Variants in STOML3 observed in about 807,000 individuals in gnomAD.
STOML3 encodes the protein stomatin like 3.
In STOML3, 31 loss-of-function variants were observed where a neutral mutation model predicts 29.5. The ratio of observed to expected loss-of-function variants is 1.05; its 90% CI spans 0.79 to 1.42. The LOEUF (loss-of-function observed/expected upper bound fraction) is 1.42. STOML3 is among the 40% of genes most tolerant of loss of function. The probability of loss-of-function intolerance (pLI) is 0.00; values close to 1 mark genes in which losing one functional copy is unlikely to be tolerated. For synonymous variants in STOML3, 122 were observed against 139.8 expected (o/e 0.87, Z 0.90); for missense variants, 380 against 363.0 (o/e 1.05, Z -0.38).
At position 38,976,739 on chromosome 13, in the gene STOML3, C is replaced by T; in HGVS notation, c.111G>A (p.Leu37=). 2 of 1,614,000 alleles carry T rather than the reference C, an allele frequency of 1.2e-6. No individual in the cohort carries two copies. Among genetic ancestry groups the T allele is most frequent in the African/African-American group, 1.3e-5 (1 of 75,014 alleles). Residue 37 remains leucine, a synonymous_variant, in exon 2 of 7, where the codon CTG becomes CTA. Transcript: ENST00000379631. ...AGATGGGGAAGGTAATGATCACCAA[C>T]AGGAAAGAGAGGGAAAACAGGATCC... ...CGWILFSLSF[L]LVIITFPISI...
At chr13:38,980,132 C>T (rs1320654394) in intron 1 of STOML3, 13 of 1,551,224 alleles carry the variant, frequency 8.4e-6, no homozygotes, top group East Asian at 7.3e-5. Flanking sequence ...AGGTAATAGA[C>T]GTGCTGAGAG....
chr13:38,974,311 G>T (rs1029691847), intron 3 of STOML3, among the ~76,000 whole-genome samples: 1 of 151,952 alleles, frequency 6.6e-6, no homozygotes, highest in African/African-American at 2.4e-5. Flanking sequence ...CGTGTAAAGG[G>T]GTGGCAGTAT....
At chr13:38,973,835 T>C (rs2138011523) in intron 3 of STOML3, among the ~76,000 whole-genome samples, 1 of 152,354 alleles carries the variant, frequency 6.6e-6, no homozygotes. Context: ...ATAATAAAGA[T>C]ACTTATGTAA....
At chr13:38,984,678 G>T (rs1299502966) in intron 1 of STOML3, among the ~76,000 whole-genome samples, 3 of 152,104 alleles carry the variant, frequency 2.0e-5, no homozygotes, top group African/African-American at 7.2e-5. Flanking sequence ...GTTTCTGTAG[G>T]TACACTCTAT....
chr13:38,978,153 CTTTTATTTTTAT>C, intron 1 of STOML3, among the ~76,000 whole-genome samples: 1 of 149,162 alleles, frequency 6.7e-6, no homozygotes, highest in African/African-American at 2.5e-5. Context: ...ATTATTTTTA[CTTTTATTTTTAT>C]TTTTTTGAGA....
intron 1 of STOML3, among the ~76,000 whole-genome samples, chr13:38,990,047 T>C (rs1335266316): frequency 1.3e-5 from 2 of 152,146 alleles, no homozygotes; most frequent in South Asian, 4.1e-4. Flanking sequence ...CTCAGAATTA[T>C]TGTAAAATTG....
intron 5 of STOML3, among the ~76,000 whole-genome samples, chr13:38,969,511 T>A (rs543895087): frequency 6.6e-6 from 1 of 152,330 alleles, no homozygotes; most frequent in African/African-American, 2.4e-5. Flanking sequence ...GCTTGGGACC[T>A]TTCCTCTACT....
At chr13:38,986,259 T>C (rs984520178) in intron 1 of STOML3, among the ~76,000 whole-genome samples, 1 of 152,004 alleles carries the variant, frequency 6.6e-6, no homozygotes, top group African/African-American at 2.4e-5. Flanking sequence ...GGTCTCAAAC[T>C]CCTGACCTCA....
At chr13:38,985,922 T>TTTC (rs1868508705) in intron 1 of STOML3, among the ~76,000 whole-genome samples, 1 of 144,392 alleles carries the variant, frequency 6.9e-6, no homozygotes, top group African/African-American at 2.5e-5. Flanking sequence ...TTTTTTTTTT[T>TTTC]TTTTTTTTTT....
chr13:38,989,060 T>A (rs1020337832), intron 1 of STOML3, among the ~76,000 whole-genome samples: 2 of 148,290 alleles, frequency 1.3e-5, no homozygotes, highest in South Asian at 4.2e-4. Context: ...TTATATATAT[T>A]TTTTATATAT....
At position 38,968,426 on chromosome 13, in the gene STOML3, C is replaced by T. The variant is rs778811619; in HGVS notation, c.625G>A (p.Glu209Lys). The T allele has an allele frequency of 1.2e-6, 2 of 1,614,170 alleles. No homozygotes were observed. Among genetic ancestry groups the T allele is most frequent in the Admixed American group, 3.3e-5 (2 of 60,026 alleles). The change falls in exon 6 of 7, where the codon GAG (glutamate) becomes AAG (lysine). Residue 209 changes from glutamate (E) to lysine (K), a missense_variant. Physicochemically the swap from Glu to Lys is moderately conservative, Grantham distance 56. Transcript: ENST00000379631. Reference protein sequence around the residue: ...QLQRSMAAEAEATREARAKVL... With the variant: ...QLQRSMAAEAKATREARAKVL... Reference sequence around the variant, plus strand: ...TTGGCTCTCGCTTCCCGGGTGGCCTCAGCCTCGGCTGCCATGGATCTCTGC... The same window carrying T: ...TTGGCTCTCGCTTCCCGGGTGGCCTTAGCCTCGGCTGCCATGGATCTCTGC...
chr13:38,988,563 A>C (rs1201838983), intron 1 of STOML3, among the ~76,000 whole-genome samples: 4 of 117,840 alleles, frequency 3.4e-5, no homozygotes, highest in African/African-American at 1.0e-4. Flanking sequence ...TTTTATATAT[A>C]ATATATTTTA....
chr13:38,975,919 C>G (rs1881058151), intron 3 of STOML3, among the ~76,000 whole-genome samples: 2 of 152,038 alleles, frequency 1.3e-5, no homozygotes, highest in South Asian at 4.1e-4. Flanking sequence ...CTATACTATA[C>G]TAGATGTTAG....
intron 1 of STOML3, chr13:38,980,044 G>A (rs904095676): frequency 5.2e-6 from 8 of 1,551,308 alleles, no homozygotes; most frequent in African/African-American, 4.1e-5. Context: ...AGAGAAAATC[G>A]CACTGACCTA....
chr13:38,985,907 C>A (rs375496178), intron 1 of STOML3, among the ~76,000 whole-genome samples: 6 of 23,680 alleles, frequency 2.5e-4, no homozygotes, highest in East Asian at 1.5e-3. Flanking sequence ...TTTTTCTTTT[C>A]TTTCTTTTTT....
chr13:38,985,036 C>G lies in STOML3; in HGVS notation c.52+5634G>C, dbSNP rs541501153. Among the ~76,000 whole-genome samples, 46 of 152,272 alleles carry G rather than the reference C, an allele frequency of 3.0e-4. 2 individuals are homozygous for G. In the South Asian group the frequency reaches 9.5e-3, roughly 32 times the overall value. On this transcript the variant is annotated intron_variant, in intron 1 of 6. Transcript: ENST00000379631. ...GGTTCATCAGACAAGATTCTATTTT[C>G]TCTCAAAAAAGTCAATTAACCAAAG...
At chr13:38,982,905 G>C (rs976144072) in intron 1 of STOML3, among the ~76,000 whole-genome samples, 1 of 151,928 alleles carries the variant, frequency 6.6e-6, no homozygotes, top group Non-Finnish European at 1.5e-5. Context: ...ATTGTTCCCT[G>C]TCCCATTTAT....
At chr13:38,981,749 A>G (rs896153840) in intron 1 of STOML3, among the ~76,000 whole-genome samples, 6 of 152,196 alleles carry the variant, frequency 3.9e-5, no homozygotes, top group Non-Finnish European at 8.8e-5. Flanking sequence ...AATAGTAAAC[A>G]TTAAAGACTG....
At chr13:38,989,246 T>C (rs1453214700) in intron 1 of STOML3, among the ~76,000 whole-genome samples, 2 of 151,814 alleles carry the variant, frequency 1.3e-5, no homozygotes, top group Non-Finnish European at 2.9e-5. Context: ...CCAAGAAAAC[T>C]CATGAGTACT....
Sources: allele counts gnomAD v4.1 joint callset (sites outside exome capture counted in the v4.1 genomes callset), GRCh38; gene constraint gnomAD v4.1.1; transcripts MANE v1.5; gene names NCBI Gene and HGNC (gene_info 2026-07-23, HGNC 2026-07-21).